Variants in CLPB observed in about 807,000 individuals in gnomAD.
CLPB encodes the protein mitochondrial disaggregase.
A neutral mutation model predicts 78.4 loss-of-function variants in CLPB; 40 were observed. The ratio of observed to expected loss-of-function variants is 0.51; its 90% CI spans 0.40 to 0.66. CLPB has a LOEUF of 0.66. CLPB is among the 30% of genes least tolerant of loss of function. The probability of loss-of-function intolerance (pLI) is 0.00; values close to 1 mark genes in which losing one functional copy is unlikely to be tolerated. For synonymous variants in CLPB, 333 were observed against 348.0 expected, an observed-to-expected ratio of 0.96 and a Z score of 0.48; for missense variants, 780 against 886.9, an observed-to-expected ratio of 0.88 and a Z score of 1.53.
intron 4 of CLPB, among the ~76,000 whole-genome samples, chr11:72,366,995 G>A (rs992315716): frequency 5.3e-5 from 8 of 151,970 alleles, no homozygotes; most frequent in Admixed American, 3.3e-4. Context: ...AGTGGTGGAC[G>A]GAATAAGGAA....
intron 4 of CLPB, 37 bp from the exon 5 acceptor site, chr11:72,359,045 C>A: frequency 1.2e-6 from 2 of 1,611,020 alleles, no homozygotes; most frequent in African/African-American, 1.3e-5. Flanking sequence ...CCATTAGCAA[C>A]GACAGCATGA....
At chr11:72,383,441 G>A (rs1854978878) in intron 3 of CLPB, among the ~76,000 whole-genome samples, 2 of 150,800 alleles carry the variant, frequency 1.3e-5, no homozygotes, top group Admixed American at 1.3e-4. Context: ...TGAGGCAGGA[G>A]AATGGCGTGA....
At chr11:72,308,784 A>G (rs542034489) in intron 7 of CLPB, among the ~76,000 whole-genome samples, 180 bp from the exon 8 acceptor site, 2 of 152,310 alleles carry the variant, frequency 1.3e-5, no homozygotes, top group East Asian at 3.9e-4. Flanking sequence ...AGAGACACGT[A>G]ATCAGGTTAG....
chr11:72,332,884 G>A (rs1950253160), intron 5 of CLPB: 1 of 151,988 alleles, frequency 6.6e-6, no homozygotes, highest in South Asian at 2.1e-4. Context: ...CCCCTTTTTG[G>A]CTATTATATA....
intron 3 of CLPB, among the ~76,000 whole-genome samples, chr11:72,396,815 A>G (rs1298919575): frequency 1.3e-5 from 2 of 152,228 alleles, no homozygotes; most frequent in African/African-American, 4.8e-5. Context: ...ATATGAATTA[A>G]TTTTGATACT....
rs925195611 is a variant in CLPB, at chr11:72,312,382, C to T, written c.989-3778G>A. Among the ~76,000 whole-genome samples the T allele has an allele frequency of 2.6e-4, 39 of 152,112 alleles. No homozygotes were observed. Among genetic ancestry groups the T allele is most frequent in the African/African-American group, 8.9e-4 (37 of 41,394 alleles). On this transcript the variant is annotated intron_variant, in intron 7 of 15. Transcript: ENST00000538039. This position sits in a 1 kb window ranked among gnomAD's most constrained non-coding sequence, Gnocchi z 4.2. Reference sequence around the variant, plus strand: ...TGTTATCTCCATTTTACACAGGATACCGAGGCTCAGAGACGGGCAGTGTAA... The same window carrying T: ...TGTTATCTCCATTTTACACAGGATATCGAGGCTCAGAGACGGGCAGTGTAA...
chr11:72,371,164 G>T (rs958444718), intron 4 of CLPB, among the ~76,000 whole-genome samples: 25 of 151,950 alleles, frequency 1.6e-4, no homozygotes, highest in African/African-American at 6.0e-4. Flanking sequence ...CCTGGGCTCA[G>T]GCAATCCTCC....
chr11:72,403,700 G>A (rs1193161504), intron 2 of CLPB, among the ~76,000 whole-genome samples: 2 of 152,106 alleles, frequency 1.3e-5, no homozygotes, highest in African/African-American at 4.8e-5. Flanking sequence ...AATAGATTAG[G>A]TTCCTAGGAG....
At chr11:72,295,808 T>C (rs1434979507) in intron 11 of CLPB, among the ~76,000 whole-genome samples, 160 bp from the exon 12 acceptor site, 2 of 152,208 alleles carry the variant, frequency 1.3e-5, no homozygotes, top group Non-Finnish European at 2.9e-5. Flanking sequence ...CTCCGAGCAC[T>C]AGACTTGCAC....
intron 5 of CLPB, among the ~76,000 whole-genome samples, chr11:72,343,721 C>T (rs1950461332): frequency 6.6e-6 from 1 of 152,168 alleles, no homozygotes; most frequent in Non-Finnish European, 1.5e-5. Flanking sequence ...GCTTTTCCCT[C>T]ATTAATTCTG....
chr11:72,373,436 C>A (rs78882064), intron 4 of CLPB, among the ~76,000 whole-genome samples: 4,083 of 152,276 alleles, frequency 0.027, 68 homozygotes, highest in East Asian at 0.068. Flanking sequence ...CAGCCAGCCA[C>A]AAGTGGAACA....
At chr11:72,401,648 C>T (rs1378425940) in intron 3 of CLPB, among the ~76,000 whole-genome samples, 1 of 152,142 alleles carries the variant, frequency 6.6e-6, no homozygotes, top group Non-Finnish European at 1.5e-5. Flanking sequence ...TACATTTGTT[C>T]TTTCACATTT....
At position 72,291,092 on chromosome 11, in the gene CLPB, G is replaced by A; in HGVS notation, c.*2275C>T. 1 of 152,114 alleles carries A rather than the reference G, an allele frequency of 6.6e-6. No individual in the cohort carries two copies. Among genetic ancestry groups the A allele is most frequent in the Non-Finnish European group, 1.5e-5 (1 of 68,048 alleles). 9.4% of individuals were successfully genotyped at this position (152,114 alleles called of 1,614,324 possible). A position where few individuals can be genotyped will look rare whatever the true frequency, so the allele number is the denominator to read the frequency against. Reference sequence around the variant, plus strand: ...TAAAAACATTAAACAAACTAAAACTGGGGAATATTCTATAAAATAACTGGC... The same window carrying A: ...TAAAAACATTAAACAAACTAAAACTAGGGAATATTCTATAAAATAACTGGC... On this transcript the variant is annotated 3_prime_UTR_variant, in exon 16 of 16. Transcript: ENST00000538039.
chr11:72,302,022 T>C, intron 10 of CLPB, 58 bp from the exon 11 acceptor site: 4 of 1,581,070 alleles, frequency 2.5e-6, no homozygotes, highest in East Asian at 2.2e-5. Flanking sequence ...GTTTCCAACA[T>C]GGGGCATGCA....
chr11:72,297,639 GTGTGT>G (rs1949575866), intron 11 of CLPB, among the ~76,000 whole-genome samples: 2 of 21,774 alleles, frequency 9.2e-5, no homozygotes, highest in South Asian at 1.7e-3. Flanking sequence ...GGGACCAGGT[GTGTGT>G]GTGTGTGTGT....
At chr11:72,366,523 C>G (rs761357696) in intron 4 of CLPB, among the ~76,000 whole-genome samples, 3 of 152,006 alleles carry the variant, frequency 2.0e-5, no homozygotes, top group Non-Finnish European at 4.4e-5. Flanking sequence ...CCACCGCACC[C>G]AGCCAAGAAT....
chr11:72,406,154 G>C (rs1261048061), intron 2 of CLPB, among the ~76,000 whole-genome samples: 1 of 152,160 alleles, frequency 6.6e-6, no homozygotes, highest in African/African-American at 2.4e-5. Context: ...AAGAAGACCA[G>C]TTTGGAGGTG....
At position 72,312,092 on chromosome 11, in the gene CLPB, C is replaced by T. The variant is rs994463493; in HGVS notation, c.989-3488G>A. Among the ~76,000 whole-genome samples, 1 of 152,178 alleles carries T rather than the reference C, an allele frequency of 6.6e-6. No homozygotes were observed. The highest frequency in any genetic ancestry group is 1.5e-5 in the Non-Finnish European group (1 of 68,032). On this transcript the variant is annotated intron_variant, in intron 7 of 15. Transcript: ENST00000538039. The surrounding 1 kb of genome is among the most constrained non-coding windows in gnomAD (Gnocchi z 4.2). ...ATGGAGTCCCGCCTCTGTCACTTAC[C>T]AGCTGACTGACTTTAAATAAAACAC...
intron 2 of CLPB, among the ~76,000 whole-genome samples, chr11:72,418,854 CAAAAAAA>C (rs913728201): frequency 1.2e-4 from 9 of 75,258 alleles, no homozygotes; most frequent in Admixed American, 1.1e-3. Flanking sequence ...ACTCCATCTC[CAAAAAAA>C]AAAAAAAAAA....
Sources: gnomAD v4.1 joint callset for allele counts (sites outside exome capture counted in the v4.1 genomes callset) on GRCh38, gnomAD v4.1.1 for gene constraint, Gnocchi (gnomAD v3.1) non-coding constraint, MANE v1.5 for transcripts, NCBI Gene and HGNC (gene_info 2026-07-23, HGNC 2026-07-21) for gene names.